The following ERC2 variants were observed in gnomAD, a reference collection of about 807,000 sequenced individuals.
ERC2 encodes ELKS/RAB6-interacting/CAST family member 2, also known as ERC protein 2.
A neutral mutation model predicts 114.8 loss-of-function variants in ERC2; 42 were observed. That is an observed-to-expected ratio of 0.37 (90% CI 0.29 to 0.47). The LOEUF is 0.47. Among genes scored for constraint, ERC2 ranks in the 20% least tolerant of loss-of-function variants. The pLI, the probability that ERC2 is intolerant of heterozygous loss-of-function variation, is 0.99. For missense variants in ERC2, 939 were observed against 1,150.7 expected, an observed-to-expected ratio of 0.82 and a Z score of 2.66; for synonymous variants, 454 against 425.5, an observed-to-expected ratio of 1.07 and a Z score of -0.82.
At chr3:56,272,219 G>A in intron 3 of ERC2, among the ~76,000 whole-genome samples, 1 of 151,982 alleles carries the variant, frequency 6.6e-6, no homozygotes, top group East Asian at 1.9e-4. Context: ...AACCAACCTG[G>A]GCACACCAAA....
intron 14 of ERC2, among the ~76,000 whole-genome samples, chr3:55,879,727 C>A (rs931387918): frequency 2.6e-5 from 4 of 152,222 alleles, no homozygotes; most frequent in Non-Finnish European, 5.9e-5. Flanking sequence ...ACACTTTATT[C>A]ATGTTGTCAG....
intron 1 of ERC2, among the ~76,000 whole-genome samples, chr3:56,456,408 T>A (rs567670230): frequency 6.6e-6 from 1 of 152,222 alleles, no homozygotes; most frequent in Admixed American, 6.5e-5. Context: ...TTTCTGAATA[T>A]GTACTTTTTA....
At chr3:56,250,757 T>TA (rs2052091197) in intron 3 of ERC2, among the ~76,000 whole-genome samples, 1 of 152,190 alleles carries the variant, frequency 6.6e-6, no homozygotes, top group African/African-American at 2.4e-5. Context: ...TGACTATACC[T>TA]AAGTAAAGTT....
intron 6 of ERC2, among the ~76,000 whole-genome samples, chr3:56,106,442 T>C (rs761447635): frequency 2.0e-5 from 3 of 152,156 alleles, no homozygotes; most frequent in Non-Finnish European, 4.4e-5. Context: ...ACAATAAGTG[T>C]GTTTATTCTT....
chr3:56,017,115 G>C (rs1283600007), intron 8 of ERC2, among the ~76,000 whole-genome samples: 1 of 152,068 alleles, frequency 6.6e-6, no homozygotes, highest in Non-Finnish European at 1.5e-5. Flanking sequence ...CCAATAACAT[G>C]GGCCTAAAAA....
At chr3:56,281,594 A>G (rs1349343095) in intron 3 of ERC2, among the ~76,000 whole-genome samples, 1 of 152,160 alleles carries the variant, frequency 6.6e-6, no homozygotes, top group Admixed American at 6.5e-5. Flanking sequence ...CCCTCAGGGA[A>G]TGCACAGTCT....
At chr3:56,230,959 G>A (rs748474104) in intron 3 of ERC2, among the ~76,000 whole-genome samples, 1 of 152,222 alleles carries the variant, frequency 6.6e-6, no homozygotes, top group African/African-American at 2.4e-5. Flanking sequence ...ATCAGGTGCT[G>A]CCTAAGGGCA....
intron 17 of ERC2, chr3:55,610,538 C>CACACACACAT (rs2058865508): frequency 6.5e-6 from 1 of 153,360 alleles, no homozygotes; most frequent in South Asian, 2.1e-4. Flanking sequence ...CACACACACA[C>CACACACACAT]ACACACACAC....
intron 2 of ERC2, among the ~76,000 whole-genome samples, chr3:56,350,189 C>T (rs1292736486): frequency 6.6e-6 from 1 of 152,182 alleles, no homozygotes; most frequent in Non-Finnish European, 1.5e-5. Flanking sequence ...CAACATGTCA[C>T]TGTGTGTTAT....
chr3:55,963,651 T>C (rs943027149), intron 12 of ERC2, among the ~76,000 whole-genome samples: 36 of 152,244 alleles, frequency 2.4e-4, no homozygotes, highest in African/African-American at 8.2e-4. Flanking sequence ...ATTCATTTAA[T>C]TGCCACAATT....
chr3:55,549,582 A>G (rs1364894091), intron 17 of ERC2, among the ~76,000 whole-genome samples: 1 of 141,762 alleles, frequency 7.1e-6, no homozygotes, highest in African/African-American at 2.6e-5. Flanking sequence ...CAAGGCTGTT[A>G]TATCAGGTAT....
rs76792999 is a variant in ERC2, at chr3:55,640,191, T to C, written c.*39+43603A>G. On this transcript the variant is annotated intron_variant, in intron 17 of 17. Coordinates refer to ENST00000288221, the MANE Select transcript of ERC2 (RefSeq NM_015576.3). ...CTGTCATCCTCTTTGGTAACTAACT[T>C]GGACTTCCTGCTTCCTTGATAGCCC... 4.5e-3 allele frequency among the ~76,000 whole-genome samples: 686 copies of C among 152,342 alleles called. 7 individuals carry two copies. The highest frequency in any genetic ancestry group is 0.014 in the Middle Eastern group (4 of 294).
At chr3:55,994,166 T>G (rs1396716589) in intron 10 of ERC2, among the ~76,000 whole-genome samples, 1 of 148,396 alleles carries the variant, frequency 6.7e-6, no homozygotes, top group Non-Finnish European at 1.5e-5. Flanking sequence ...TTTCTTGAAC[T>G]ATCCAAACAA....
At chr3:55,539,418 T>TTTTTTTTTTTTTTTTTTC in intron 17 of ERC2, among the ~76,000 whole-genome samples, 1 of 68,126 alleles carries the variant, frequency 1.5e-5, no homozygotes, top group Non-Finnish European at 3.4e-5. Flanking sequence ...TTTCTTTCTT[T>TTTTTTTTTTTTTTTTTTC]TTTTTTTTTT....
At chr3:56,234,166 G>A (rs2050797362) in intron 3 of ERC2, among the ~76,000 whole-genome samples, 1 of 152,154 alleles carries the variant, frequency 6.6e-6, no homozygotes, top group African/African-American at 2.4e-5. Context: ...ATATCTTAGA[G>A]AATCACTATA....
chr3:55,987,750 C>T (rs1226232812), intron 11 of ERC2, among the ~76,000 whole-genome samples: 1 of 152,170 alleles, frequency 6.6e-6, no homozygotes, highest in African/African-American at 2.4e-5. Context: ...TTAGATAAGG[C>T]TCTTTTAGGC....
At chr3:55,650,190 AC>A (rs1316031183) in intron 17 of ERC2, among the ~76,000 whole-genome samples, 1 of 152,058 alleles carries the variant, frequency 6.6e-6, no homozygotes, top group East Asian at 1.9e-4. Context: ...TGAAACGCCC[AC>A]CCCACCACGG....
Position 56,208,735 on chromosome 3 carries a change from G to C in ERC2, c.1075-35215C>G, listed in dbSNP as rs531013470. On this transcript the variant is annotated intron_variant, in intron 3 of 17. Coordinates refer to ENST00000288221, the MANE Select transcript of ERC2 (RefSeq NM_015576.3). Reference sequence around the variant, plus strand: ...GGTGCCTCATTAGACACAGGCAAAGGCCAGACCGTAAACTCTCCAGCAGGA... The same window carrying C: ...GGTGCCTCATTAGACACAGGCAAAGCCCAGACCGTAAACTCTCCAGCAGGA... Among the ~76,000 whole-genome samples, 5 of 152,290 alleles carry C rather than the reference G, an allele frequency of 3.3e-5. No homozygotes were observed. The South Asian group carries it at 1.0e-3, about 32-fold the overall frequency.
At chr3:55,937,929 AC>A (rs1225987437) in intron 13 of ERC2, among the ~76,000 whole-genome samples, 1 of 152,216 alleles carries the variant, frequency 6.6e-6, no homozygotes, top group Non-Finnish European at 1.5e-5. Flanking sequence ...GCCTAGAAAC[AC>A]ATGCAGGGAG....
Sources: allele counts gnomAD v4.1 joint callset (sites outside exome capture counted in the v4.1 genomes callset), GRCh38; gene constraint gnomAD v4.1.1; transcripts MANE v1.5; gene names NCBI Gene and HGNC (gene_info 2026-07-23, HGNC 2026-07-21).